GRM8: variants seen among roughly 807,000 people sequenced by gnomAD.
GRM8 encodes metabotropic glutamate receptor 8.
A neutral mutation model predicts 87.2 loss-of-function variants in GRM8; 47 were observed. The observed-to-expected ratio is 0.54, with a 90% CI of 0.43 to 0.69. The LOEUF (loss-of-function observed/expected upper bound fraction) is 0.69, where lower values mean the gene tolerates loss of function less well. Among genes scored for constraint, GRM8 ranks in the 30% least tolerant of loss-of-function variants. GRM8 has a pLI of 0.00. For synonymous variants in GRM8, 396 were observed against 404.5 expected, an observed-to-expected ratio of 0.98 and a Z score of 0.25; for missense variants, 1,019 against 1,139.2, an observed-to-expected ratio of 0.89 and a Z score of 1.52.
intron 6 of GRM8, among the ~76,000 whole-genome samples, chr7:126,872,473 A>G (rs1347900691): frequency 6.6e-6 from 1 of 152,162 alleles, no homozygotes; most frequent in Admixed American, 6.6e-5. Context: ...TGTTTAGGGT[A>G]CCCTAAATAG....
At chr7:126,648,087 G>A (rs865862214) in intron 7 of GRM8, among the ~76,000 whole-genome samples, 2 of 151,888 alleles carry the variant, frequency 1.3e-5, no homozygotes, top group Admixed American at 6.6e-5. Flanking sequence ...CCTTAAAACC[G>A]ATAGGCTTTT....
At chr7:126,926,609 C>T (rs1361877991) in intron 3 of GRM8, among the ~76,000 whole-genome samples, 2 of 152,184 alleles carry the variant, frequency 1.3e-5, no homozygotes, top group Admixed American at 6.5e-5. Flanking sequence ...ACTTCAATAG[C>T]ATGTTATTTT....
At chr7:126,569,447 T>C (rs916934223) in intron 8 of GRM8, among the ~76,000 whole-genome samples, 2 of 152,134 alleles carry the variant, frequency 1.3e-5, no homozygotes, top group African/African-American at 4.8e-5. Flanking sequence ...ATGCTGAAAG[T>C]GAATTTTATT....
At chr7:126,762,689 T>C (rs539817571) in intron 7 of GRM8, among the ~76,000 whole-genome samples, 7 of 151,892 alleles carry the variant, frequency 4.6e-5, no homozygotes, top group African/African-American at 1.4e-4. Flanking sequence ...AGTGATTTTA[T>C]ACTATACAAT....
chr7:126,951,524 C>G (rs530276855), intron 3 of GRM8, among the ~76,000 whole-genome samples: 8 of 152,136 alleles, frequency 5.3e-5, no homozygotes, highest in African/African-American at 1.9e-4. Context: ...CAAAACTACA[C>G]TGAAAGGATG....
chr7:126,708,940 C>G (rs1810824717), intron 7 of GRM8, among the ~76,000 whole-genome samples: 2 of 151,758 alleles, frequency 1.3e-5, no homozygotes, highest in South Asian at 4.2e-4. Flanking sequence ...TGTATTCTAC[C>G]CTTGAAAACT....
intron 6 of GRM8, among the ~76,000 whole-genome samples, chr7:126,821,712 C>T (rs1286050968): frequency 6.6e-6 from 1 of 152,044 alleles, no homozygotes; most frequent in African/African-American, 2.4e-5. Context: ...CCATATTCCC[C>T]TTATCCTGGT....
chr7:126,490,608 T>TC (rs1435592127), intron 9 of GRM8, among the ~76,000 whole-genome samples: 1 of 152,060 alleles, frequency 6.6e-6, no homozygotes, highest in Non-Finnish European at 1.5e-5. Context: ...TCTCCATGTT[T>TC]CAGAGGTCTT....
At chr7:126,711,545 C>T (rs1474920160) in intron 7 of GRM8, among the ~76,000 whole-genome samples, 1 of 152,194 alleles carries the variant, frequency 6.6e-6, no homozygotes, top group Non-Finnish European at 1.5e-5. Flanking sequence ...TTTAAAGTCA[C>T]TAGCTGCATT....
At chr7:126,714,308 T>C (rs972741652) in intron 7 of GRM8, among the ~76,000 whole-genome samples, 1 of 147,582 alleles carries the variant, frequency 6.8e-6, no homozygotes, top group African/African-American at 2.5e-5. Flanking sequence ...ATAATAATAA[T>C]AATAATAATA....
At chr7:126,647,342 G>T (rs369858377) in intron 7 of GRM8, among the ~76,000 whole-genome samples, 1 of 125,416 alleles carries the variant, frequency 8.0e-6, no homozygotes, top group Non-Finnish European at 1.7e-5. Flanking sequence ...TAGATAGATA[G>T]ATATAGATAT....
intron 3 of GRM8, among the ~76,000 whole-genome samples, chr7:127,052,236 TGAGTTC>T (rs1819564084): frequency 6.6e-6 from 1 of 152,232 alleles, no homozygotes; most frequent in African/African-American, 2.4e-5. Context: ...TAGAAGGGGC[TGAGTTC>T]AGTGACCTCT....
chr7:126,824,603 A>C (rs1794595587), intron 6 of GRM8, among the ~76,000 whole-genome samples: 1 of 152,182 alleles, frequency 6.6e-6, no homozygotes. Flanking sequence ...GGCAGGCTCC[A>C]AGCTGTGGAT....
chr7:126,897,883 T>C (rs1273395866), intron 6 of GRM8, among the ~76,000 whole-genome samples: 2 of 152,130 alleles, frequency 1.3e-5, no homozygotes, highest in Non-Finnish European at 2.9e-5. Context: ...CAGAAAACTG[T>C]TTCTACTGAG....
At chr7:126,811,526 T>C (rs1449941913) in intron 6 of GRM8, among the ~76,000 whole-genome samples, 1 of 152,074 alleles carries the variant, frequency 6.6e-6, no homozygotes, top group Non-Finnish European at 1.5e-5. Context: ...TTTAATGTCA[T>C]CTACAATTTA....
chr7:126,799,770 A>G (rs2151702594), intron 6 of GRM8, among the ~76,000 whole-genome samples: 1 of 152,258 alleles, frequency 6.6e-6, no homozygotes, highest in South Asian at 2.1e-4. Context: ...TGTTGTTGCT[A>G]TAATAACAGC....
intron 7 of GRM8, among the ~76,000 whole-genome samples, chr7:126,700,716 C>T (rs2151393104): frequency 6.6e-6 from 1 of 152,190 alleles, no homozygotes; most frequent in Admixed American, 6.5e-5. Context: ...TAAAAAATGT[C>T]CATTACATAT....
chr7:127,128,993 C>A (rs1827528182), intron 2 of GRM8, among the ~76,000 whole-genome samples: 1 of 152,112 alleles, frequency 6.6e-6, no homozygotes, highest in South Asian at 2.1e-4. Flanking sequence ...GGTCCTATGG[C>A]AACTGCATTA....
chr7:127,127,796 GATT>G (rs1827452742), intron 2 of GRM8, among the ~76,000 whole-genome samples: 1 of 151,958 alleles, frequency 6.6e-6, no homozygotes, highest in Non-Finnish European at 1.5e-5. Context: ...ATTTAATAAA[GATT>G]TTTTTAAATA....
Sources: gnomAD v4.1 joint callset for allele counts (sites outside exome capture counted in the v4.1 genomes callset) on GRCh38, gnomAD v4.1.1 for gene constraint, MANE v1.5 for transcripts, NCBI Gene and HGNC (gene_info 2026-07-23, HGNC 2026-07-21) for gene names.